OPCML: variants seen among roughly 807,000 people sequenced by gnomAD.
OPCML encodes the protein opioid-binding protein/cell adhesion molecule.
In OPCML, 13 loss-of-function variants were observed where a neutral mutation model predicts 37.8. The observed-to-expected ratio is 0.34, with a 90% CI of 0.22 to 0.55. The LOEUF (loss-of-function observed/expected upper bound fraction) is 0.55, where lower values mean the gene tolerates loss of function less well. Among genes scored for constraint, OPCML ranks in the 20% least tolerant of loss-of-function variants. The probability of loss-of-function intolerance (pLI) is 0.91; values close to 1 mark genes in which losing one functional copy is unlikely to be tolerated. For missense variants in OPCML, 341 were observed against 435.6 expected (o/e 0.78, Z 1.93); for synonymous variants, 176 against 168.8 (o/e 1.04, Z -0.33).
chr11:133,483,414 A>G (rs1447116608), intron 1 of OPCML, among the ~76,000 whole-genome samples: 1 of 151,994 alleles, frequency 6.6e-6, no homozygotes, highest in Non-Finnish European at 1.5e-5. Flanking sequence ...TTGATAGATT[A>G]AATAGATAGA....
At chr11:132,738,670 G>C (rs931969277) in intron 2 of OPCML, among the ~76,000 whole-genome samples, 2 of 152,182 alleles carry the variant, frequency 1.3e-5, no homozygotes, top group African/African-American at 4.8e-5. Context: ...AATCAGAGCT[G>C]TTTGTCATAC....
At chr11:132,478,775 A>G (rs74780171) in intron 4 of OPCML, among the ~76,000 whole-genome samples, 3,492 of 152,278 alleles carry the variant, frequency 0.023, 117 homozygotes, top group African/African-American at 0.079. Flanking sequence ...GTTTTGATTT[A>G]CAGTTGCGCT....
chr11:133,486,731 A>C (rs559645410), intron 1 of OPCML, among the ~76,000 whole-genome samples: 2 of 151,986 alleles, frequency 1.3e-5, no homozygotes, highest in Non-Finnish European at 2.9e-5. Flanking sequence ...TGCCGTCTCT[A>C]CTCGGAGGGT....
intron 2 of OPCML, among the ~76,000 whole-genome samples, chr11:132,829,332 T>C (rs544849007): frequency 3.3e-5 from 5 of 152,312 alleles, no homozygotes; most frequent in South Asian, 4.1e-4. Context: ...ACTCATTTAA[T>C]CCATATTGAA....
At chr11:133,359,431 T>C (rs998726965) in intron 1 of OPCML, among the ~76,000 whole-genome samples, 1 of 152,240 alleles carries the variant, frequency 6.6e-6, no homozygotes, top group Admixed American at 6.5e-5. Flanking sequence ...CTGATGACTA[T>C]ATATGACTAG....
chr11:132,753,518 G>A (rs1945912608), intron 2 of OPCML, among the ~76,000 whole-genome samples: 1 of 152,064 alleles, frequency 6.6e-6, no homozygotes, highest in African/African-American at 2.4e-5. Context: ...ATACATATCT[G>A]GATCTAAATC....
chr11:133,043,453 T>C (rs954850954), intron 1 of OPCML, among the ~76,000 whole-genome samples: 4 of 152,154 alleles, frequency 2.6e-5, no homozygotes, highest in Admixed American at 2.6e-4. Context: ...CAGCCTTCCC[T>C]TTCTGCCTTC....
intron 1 of OPCML, among the ~76,000 whole-genome samples, chr11:133,096,669 AG>A: frequency 6.6e-6 from 1 of 152,088 alleles, no homozygotes; most frequent in East Asian, 1.9e-4. Flanking sequence ...ATAGATAAAA[AG>A]TAAAGAGACA....
At chr11:133,134,502 C>T (rs1386048880) in intron 1 of OPCML, among the ~76,000 whole-genome samples, 1 of 151,740 alleles carries the variant, frequency 6.6e-6, no homozygotes, top group East Asian at 1.9e-4. Context: ...CATATGGCCC[C>T]TGTGCTCTTG....
intron 1 of OPCML, among the ~76,000 whole-genome samples, chr11:133,284,683 G>C (rs2048487790): frequency 6.6e-6 from 1 of 152,132 alleles, no homozygotes; most frequent in Non-Finnish European, 1.5e-5. Context: ...AGCAACAGTA[G>C]CACACTGCAG....
intron 1 of OPCML, among the ~76,000 whole-genome samples, chr11:133,305,469 CTG>C (rs1385821614): frequency 7.5e-4 from 115 of 152,350 alleles, no homozygotes; most frequent in African/African-American, 2.5e-3. Flanking sequence ...GGAAGTCTGA[CTG>C]TGAGAATTAT....
intron 1 of OPCML, among the ~76,000 whole-genome samples, chr11:133,254,902 C>T (rs1941260395): frequency 6.6e-6 from 1 of 152,058 alleles, no homozygotes; most frequent in African/African-American, 2.4e-5. Flanking sequence ...CCATTAAATA[C>T]AACACTGAGT....
intron 2 of OPCML, among the ~76,000 whole-genome samples, chr11:132,717,452 T>C (rs1944533377): frequency 6.6e-6 from 1 of 151,996 alleles, no homozygotes; most frequent in Non-Finnish European, 1.5e-5. Flanking sequence ...AGATACGAAA[T>C]AGTATGCAAA....
intron 2 of OPCML, among the ~76,000 whole-genome samples, chr11:132,668,500 T>C (rs1320137247): frequency 6.6e-6 from 1 of 152,180 alleles, no homozygotes; most frequent in African/African-American, 2.4e-5. Context: ...AGTGCTATTA[T>C]GAGGACTGAA....
At chr11:132,961,069 A>G (rs959172570) in intron 1 of OPCML, among the ~76,000 whole-genome samples, 1 of 152,238 alleles carries the variant, frequency 6.6e-6, no homozygotes, top group Non-Finnish European at 1.5e-5. Context: ...TTCTTCAAGT[A>G]GCAAGGGTCT....
At chr11:133,191,439 A>G (rs1409375314) in intron 1 of OPCML, among the ~76,000 whole-genome samples, 1 of 152,162 alleles carries the variant, frequency 6.6e-6, no homozygotes, top group African/African-American at 2.4e-5. Context: ...TTAGAACAAA[A>G]TAAATTCTAT....
chr11:132,435,313 A>G (rs1166327721), intron 7 of OPCML: 1 of 1,133,886 alleles, frequency 8.8e-7, no homozygotes, highest in African/African-American at 1.6e-5. Context: ...TCTGAGGTGC[A>G]CGTGGAAACG....
chr11:133,457,916 G>T (rs1315480977), intron 1 of OPCML, among the ~76,000 whole-genome samples: 1 of 152,066 alleles, frequency 6.6e-6, no homozygotes, highest in East Asian at 1.9e-4. Flanking sequence ...GGAGGCCTAG[G>T]CAGGTGGGTC....
rs562593978 is a variant in OPCML at position 132,899,185 on chromosome 11, G to A, written c.146+43741C>T. On this transcript the variant is annotated intron_variant, in intron 2 of 7. Coordinates refer to ENST00000524381, the MANE Select transcript of OPCML (RefSeq NM_001012393.5). ...GGTAAAATAATACAGAATGGGTAGT[G>A]GAAGGCAGTTATAAATACCAGCTGT... 2.6e-5 allele frequency among the ~76,000 whole-genome samples: 4 copies of A among 152,294 alleles called. No individual in the cohort carries two copies. In the East Asian group the frequency reaches 7.7e-4, roughly 29 times the overall value.
Sources: allele counts gnomAD v4.1 joint callset (sites outside exome capture counted in the v4.1 genomes callset), GRCh38; gene constraint gnomAD v4.1.1; transcripts MANE v1.5; gene names NCBI Gene and HGNC (gene_info 2026-07-23, HGNC 2026-07-21).